ARID4B: variants seen among roughly 807,000 people sequenced by gnomAD.
ARID4B encodes AT-rich interactive domain-containing protein 4B.
In ARID4B, 26 loss-of-function variants were observed where a neutral mutation model predicts 147.5. The ratio of observed to expected loss-of-function variants is 0.18; its 90% CI spans 0.13 to 0.24. The LOEUF is 0.24. Among genes scored for constraint, ARID4B ranks in the 10% least tolerant of loss-of-function variants. The probability of loss-of-function intolerance (pLI) is 1.00; values close to 1 mark genes in which losing one functional copy is unlikely to be tolerated. For synonymous variants in ARID4B, 512 were observed against 507.9 expected, an observed-to-expected ratio of 1.01 and a Z score of -0.11; for missense variants, 1,179 against 1,511.5, an observed-to-expected ratio of 0.78 and a Z score of 3.65.
chr1:235,240,632 G>A, intron 7 of ARID4B, 181 bp from the exon 8 acceptor site: 1 of 617,936 alleles, frequency 1.6e-6, no homozygotes, highest in Non-Finnish European at 2.8e-6. Context: ...ATCATGAGAG[G>A]AAAGCACATC....
At chr1:235,207,531 A>G (rs1666386875) in intron 17 of ARID4B, among the ~76,000 whole-genome samples, 1 of 152,218 alleles carries the variant, frequency 6.6e-6, no homozygotes, top group African/African-American at 2.4e-5. Context: ...AGGGAATGTA[A>G]GCAATATCAA....
At chr1:235,180,137 CTTTTTTTTTTTTTT>C (rs1166842959) in intron 20 of ARID4B, 3 of 98,540 alleles carry the variant, frequency 3.0e-5, no homozygotes, top group Non-Finnish European at 5.8e-5. Flanking sequence ...CTTGTTTTTT[CTTTTTTTTTTTTTT>C]TTTTTTTTGA....
intron 16 of ARID4B, among the ~76,000 whole-genome samples, chr1:235,219,276 A>G (rs1344962929): frequency 1.3e-5 from 2 of 152,176 alleles, no homozygotes; most frequent in African/African-American, 4.8e-5. Flanking sequence ...GATTATCTAT[A>G]AAATCCAGGG....
At chr1:235,264,086 A>G (rs1670454022) in intron 2 of ARID4B, among the ~76,000 whole-genome samples, 1 of 152,164 alleles carries the variant, frequency 6.6e-6, no homozygotes, top group South Asian at 2.1e-4. Flanking sequence ...CGTTAGAAAG[A>G]GCACAGAAAA....
intron 2 of ARID4B, among the ~76,000 whole-genome samples, chr1:235,267,759 C>G (rs1294435659): frequency 2.0e-5 from 3 of 152,042 alleles, no homozygotes; most frequent in Non-Finnish European, 4.4e-5. Flanking sequence ...AAAAAAGTAG[C>G]CGGGCATGGT....
chr1:235,285,175 G>A (rs1033388657), intron 2 of ARID4B, among the ~76,000 whole-genome samples: 1 of 152,040 alleles, frequency 6.6e-6, no homozygotes, highest in Non-Finnish European at 1.5e-5. Context: ...CAAAGTGCTG[G>A]GATTAGAGGT....
chr1:235,234,405 AT>A lies in ARID4B; in HGVS notation c.665+7del, dbSNP rs1224942835. 6.4e-7 allele frequency: 1 copy of A among 1,562,536 alleles called. No homozygotes were observed. Among genetic ancestry groups the A allele is most frequent in the Admixed American group, 1.7e-5 (1 of 58,798 alleles). On this transcript the variant is annotated splice_region_variant and intron_variant, in intron 9 of 23. Coordinates refer to ENST00000264183, the MANE Select transcript of ARID4B (RefSeq NM_016374.6). ...ACTGGTTTTTCAAACCAAGTAAATT[AT>A]ACTTACAATTTTCCATCTTTGAAAG...
At chr1:235,284,316 T>C (rs897795487) in intron 2 of ARID4B, among the ~76,000 whole-genome samples, 5 of 152,188 alleles carry the variant, frequency 3.3e-5, no homozygotes, top group Non-Finnish European at 5.9e-5. Context: ...GCCAAGATTA[T>C]GCCACTGCAC....
intron 2 of ARID4B, among the ~76,000 whole-genome samples, chr1:235,312,383 A>G (rs1674114976): frequency 6.6e-6 from 1 of 152,372 alleles, no homozygotes; most frequent in East Asian, 1.9e-4. Context: ...TGTTTGATTC[A>G]TATGTGCAAA....
chr1:235,173,415 A>C (rs1250502223), intron 22 of ARID4B, among the ~76,000 whole-genome samples: 1 of 152,038 alleles, frequency 6.6e-6, no homozygotes, highest in Admixed American at 6.6e-5. Context: ...AATTGTACAC[A>C]TTTTGTGAGT....
intron 6 of ARID4B, among the ~76,000 whole-genome samples, chr1:235,251,739 G>T (rs1208974134): frequency 1.3e-5 from 2 of 151,944 alleles, no homozygotes; most frequent in African/African-American, 4.8e-5. Flanking sequence ...ATTCCAAATA[G>T]TGAGTAGAGA....
At chr1:235,279,548 A>G (rs529375518) in intron 2 of ARID4B, among the ~76,000 whole-genome samples, 1 of 152,370 alleles carries the variant, frequency 6.6e-6, no homozygotes, top group South Asian at 2.1e-4. Context: ...AAAATAATCA[A>G]CGCAAACAAC....
chr1:235,272,615 T>G (rs779927128), intron 2 of ARID4B, among the ~76,000 whole-genome samples: 2 of 152,086 alleles, frequency 1.3e-5, no homozygotes, highest in Non-Finnish European at 2.9e-5. Context: ...TTGGGAAAAA[T>G]TATTTAACTT....
At position 235,194,164 on chromosome 1, in the gene ARID4B, T is replaced by C. The variant is rs1571942232; in HGVS notation, c.1974A>G (p.Lys658=). The part of the protein sequence containing the change: ...EKDKDEKYSP[K]NCKLRRLSKP... Reference sequence around the variant, plus strand: ...TGGACAAGCGCCGAAGTTTACAGTTTTTTGGAGAGTATTTTTCATCTTTGT... The same window carrying C: ...TGGACAAGCGCCGAAGTTTACAGTTCTTTGGAGAGTATTTTTCATCTTTGT... Residue 658 remains lysine (K), a synonymous_variant, in exon 19 of 24, where the codon AAA becomes AAG. Coordinates refer to ENST00000264183, the MANE Select transcript of ARID4B (RefSeq NM_016374.6). The C allele has an allele frequency of 6.2e-7, 1 of 1,613,198 alleles. No homozygotes were observed. The highest frequency in any genetic ancestry group is 8.5e-7 in the Non-Finnish European group (1 of 1,179,186).
chr1:235,210,160 G>A (rs906235561), intron 17 of ARID4B, among the ~76,000 whole-genome samples: 12 of 151,950 alleles, frequency 7.9e-5, no homozygotes, highest in African/African-American at 2.4e-4. Context: ...CCAAGAAGTC[G>A]AGGCTGGAGA....
chr1:235,170,895 A>AC (rs1663294087), intron 23 of ARID4B, among the ~76,000 whole-genome samples: 1 of 131,678 alleles, frequency 7.6e-6, no homozygotes, highest in Admixed American at 8.4e-5. Context: ...CTGGTGACTG[A>AC]CCGAGACTCC....
At chr1:235,258,628 G>A (rs962611701) in intron 3 of ARID4B, among the ~76,000 whole-genome samples, 1 of 152,162 alleles carries the variant, frequency 6.6e-6, no homozygotes, top group African/African-American at 2.4e-5. Context: ...TATAGGGATT[G>A]AATCATTAAC....
At chr1:235,271,323 G>C (rs1372350532) in intron 2 of ARID4B, among the ~76,000 whole-genome samples, 1 of 152,116 alleles carries the variant, frequency 6.6e-6, no homozygotes, top group Non-Finnish European at 1.5e-5. Flanking sequence ...ACTCCAGCCT[G>C]GATGACCAAG....
chr1:235,325,286 T>C (rs546854266), intron 2 of ARID4B, among the ~76,000 whole-genome samples: 1 of 151,990 alleles, frequency 6.6e-6, no homozygotes, highest in Admixed American at 6.5e-5. Context: ...TACCAAAAAA[T>C]TTGCATTTGG....
Sources: allele counts gnomAD v4.1 joint callset (sites outside exome capture counted in the v4.1 genomes callset), GRCh38; gene constraint gnomAD v4.1.1; transcripts MANE v1.5; gene names NCBI Gene and HGNC (gene_info 2026-07-23, HGNC 2026-07-21).